The following HAPSTR1 variants were observed in gnomAD, a reference collection of about 807,000 sequenced individuals.
HAPSTR1 encodes HUWE1-associated protein modifying stress responses 1.
chr16:9,092,245 C>A, the HAPSTR1 span: 1 of 1,575,348 alleles, frequency 6.3e-7, no homozygotes, highest in Non-Finnish European at 8.6e-7. Flanking sequence ...AGAACTCGGC[C>A]ACCGCCGTGG....
At chr16:9,117,164 G>T in the HAPSTR1 span, 1 of 491,850 alleles carries the variant, frequency 2.0e-6, no homozygotes, top group Non-Finnish European at 3.6e-6. Context: ...GATCATCATA[G>T]GCAAACATAT....
the HAPSTR1 span, chr16:9,103,397 G>C: frequency 1.1e-6 from 1 of 922,056 alleles, no homozygotes; most frequent in Non-Finnish European, 1.6e-6. Flanking sequence ...ATGTTTAATA[G>C]AATGTAAGCT....
the HAPSTR1 span, chr16:9,104,938 GCTTCT>G: frequency 1.3e-5 from 2 of 152,156 alleles, no homozygotes; most frequent in African/African-American, 2.4e-5. Flanking sequence ...GTCATTCCAT[GCTTCT>G]CTTAAGGTAT....
chr16:9,114,459 A>C, the HAPSTR1 span, among the ~76,000 whole-genome samples: 1 of 152,158 alleles, frequency 6.6e-6, no homozygotes. Context: ...GGTGCTGGGG[A>C]ACAGGTGGGC....
At chr16:9,103,208 T>C in the HAPSTR1 span, 1 of 1,614,138 alleles carries the variant, frequency 6.2e-7, no homozygotes, top group East Asian at 2.2e-5. Context: ...GGAAACTAGC[T>C]CATCTGTAGA....
the HAPSTR1 span, among the ~76,000 whole-genome samples, chr16:9,113,397 T>C: frequency 2.0e-5 from 3 of 152,318 alleles, no homozygotes; most frequent in South Asian, 6.2e-4. Context: ...ATTGACCAAA[T>C]TGATGTTTAA....
chr16:9,100,028 A>C, the HAPSTR1 span, among the ~76,000 whole-genome samples: 2 of 152,244 alleles, frequency 1.3e-5, no homozygotes, highest in African/African-American at 4.8e-5. Context: ...TGTTAACAGT[A>C]CAAAACTACA....
chr16:9,092,112 A>G, the HAPSTR1 span: 2 of 1,549,432 alleles, frequency 1.3e-6, no homozygotes, highest in Non-Finnish European at 8.7e-7. Flanking sequence ...TGGTTCTCCA[A>G]GTGGGAGCGG....
chr16:9,099,835 G>A, the HAPSTR1 span, among the ~76,000 whole-genome samples: 3 of 152,186 alleles, frequency 2.0e-5, no homozygotes, highest in African/African-American at 7.2e-5. Context: ...AGATTCTCCA[G>A]TAAGCATGCA....
chr16:9,095,205 G>T, the HAPSTR1 span, among the ~76,000 whole-genome samples: 1 of 152,128 alleles, frequency 6.6e-6, no homozygotes, highest in Admixed American at 6.5e-5. Context: ...GAATTTGATA[G>T]TGCAACGTTT....
At chr16:9,115,118 A>G in the HAPSTR1 span, among the ~76,000 whole-genome samples, 2 of 152,104 alleles carry the variant, frequency 1.3e-5, no homozygotes, top group Non-Finnish European at 2.9e-5. Flanking sequence ...CCCTCAGGAC[A>G]TTGTCAGCAT....
At chr16:9,092,813 G>A in the HAPSTR1 span, 2 of 1,203,338 alleles carry the variant, frequency 1.7e-6, no homozygotes, top group African/African-American at 3.1e-5. Context: ...TAATATGGCC[G>A]TTCCGGAGTG....
chr16:9,107,868 CT>C, the HAPSTR1 span: 848 of 146,396 alleles, frequency 5.8e-3, 9 homozygotes, highest in African/African-American at 0.019. Context: ...TGTCTTGGTC[CT>C]TTTTTTTTTG....
the HAPSTR1 span, among the ~76,000 whole-genome samples, chr16:9,113,961 A>AG: frequency 1.3e-5 from 2 of 152,178 alleles, no homozygotes; most frequent in Non-Finnish European, 2.9e-5. Flanking sequence ...TTTCAACATG[A>AG]GGGGGTAGGA....
At chr16:9,117,438 G>A in the HAPSTR1 span, 2 of 153,536 alleles carry the variant, frequency 1.3e-5, no homozygotes, top group African/African-American at 4.8e-5. Context: ...ACTGTGCCCT[G>A]TTTTTAGTTT....
chr16:9,091,946 G>C, the HAPSTR1 span: 2 of 1,066,504 alleles, frequency 1.9e-6, no homozygotes, highest in Non-Finnish European at 2.5e-6. Context: ...CGGTCGCCAG[G>C]CCCTGCCGCC....
the HAPSTR1 span, chr16:9,093,117 C>T: frequency 6.8e-6 from 7 of 1,028,060 alleles, no homozygotes; most frequent in Admixed American, 4.9e-5. Context: ...CCTTGAATAC[C>T]TTGCAACTTG....
At chr16:9,111,613 G>C in the HAPSTR1 span, 1 of 152,122 alleles carries the variant, frequency 6.6e-6, no homozygotes, top group East Asian at 1.9e-4. Context: ...AATTTTGTTG[G>C]ACTTTTTTTT....
the HAPSTR1 span, among the ~76,000 whole-genome samples, chr16:9,095,889 G>A: frequency 1.3e-5 from 2 of 151,934 alleles, no homozygotes; most frequent in East Asian, 1.9e-4. Flanking sequence ...ACTGACTGCT[G>A]GTTTTTGATT....
Sources: gnomAD v4.1 joint callset for allele counts (sites outside exome capture counted in the v4.1 genomes callset) on GRCh38, gnomAD v4.1.1 for gene constraint, MANE v1.5 for transcripts, NCBI Gene and HGNC (gene_info 2026-07-23, HGNC 2026-07-21) for gene names.